ARMC2: variants seen among roughly 807,000 people sequenced by gnomAD.
ARMC2 encodes armadillo repeat containing 2.
ARMC2 carries 67 observed loss-of-function variants against 90.3 expected under a neutral mutation model. The ratio of observed to expected loss-of-function variants is 0.74; its 90% CI spans 0.61 to 0.91. ARMC2 has a LOEUF of 0.91. Among genes scored for constraint, ARMC2 ranks in the 40% least tolerant of loss-of-function variants. The pLI is 0.00. For synonymous variants in ARMC2, 393 were observed against 393.0 expected, an observed-to-expected ratio of 1.00 and a Z score of 0.00; for missense variants, 920 against 1,030.9, an observed-to-expected ratio of 0.89 and a Z score of 1.47.
chr6:108,905,726 A>G (rs776381157), intron 8 of ARMC2, among the ~76,000 whole-genome samples: 2 of 152,240 alleles, frequency 1.3e-5, no homozygotes, highest in Non-Finnish European at 2.9e-5. Flanking sequence ...GGCAGTGAAC[A>G]TGTTTTGAAC....
the ARMC2 span, among the ~76,000 whole-genome samples, chr6:109,032,375 T>G: frequency 6.6e-6 from 1 of 152,090 alleles, no homozygotes; most frequent in Non-Finnish European, 1.5e-5. Context: ...TCCCAGCACT[T>G]TGGGAGGCCG....
In ARMC2 at chr6:108,889,767, C is replaced by T. The variant is rs548014017; in HGVS notation, c.672-4700C>T. On this transcript the variant is annotated intron_variant, in intron 5 of 17. Coordinates refer to ENST00000392644, the MANE Select transcript of ARMC2 (RefSeq NM_032131.6). ...CCGGCCAACTTTTATTCTTTTAAGGCCCATTTTGTAGTCCACTTCTCCCAC... is the reference window on the plus strand; with the variant it reads ...CCGGCCAACTTTTATTCTTTTAAGGTCCATTTTGTAGTCCACTTCTCCCAC... Among the ~76,000 whole-genome samples, 145 of 151,810 alleles carry T rather than the reference C, an allele frequency of 9.6e-4. 2 individuals carry two copies. Among genetic ancestry groups the T allele is most frequent in the African/African-American group, 3.3e-3 (137 of 41,250 alleles).
At chr6:108,957,916 A>C (rs1777712237) in intron 13 of ARMC2, among the ~76,000 whole-genome samples, 1 of 152,076 alleles carries the variant, frequency 6.6e-6, no homozygotes, top group African/African-American at 2.4e-5. Flanking sequence ...GAACTCAGCA[A>C]CCCTGAGTCC....
intron 4 of ARMC2, among the ~76,000 whole-genome samples, chr6:108,870,527 GA>G (rs776995161): frequency 1.3e-5 from 2 of 150,034 alleles, no homozygotes; most frequent in Non-Finnish European, 3.0e-5. Context: ...GACAGAAAGA[GA>G]AAGGAAGGTA....
the ARMC2 span, chr6:109,009,375 C>T: frequency 1.8e-5 from 26 of 1,468,092 alleles, no homozygotes; most frequent in Admixed American, 3.6e-4. Flanking sequence ...CTGGTCGCGG[C>T]CCCCGCCGCA....
At chr6:108,891,405 C>T (rs1186083326) in intron 5 of ARMC2, among the ~76,000 whole-genome samples, 1 of 152,252 alleles carries the variant, frequency 6.6e-6, no homozygotes, top group Non-Finnish European at 1.5e-5. Context: ...ACATCCTCTC[C>T]AGCATTTACT....
At chr6:108,990,684 C>T in the ARMC2 span, 3 of 1,613,990 alleles carry the variant, frequency 1.9e-6, no homozygotes, top group Non-Finnish European at 2.5e-6. Context: ...CCAAATTGCC[C>T]GTCTAAGCAT....
the ARMC2 span, among the ~76,000 whole-genome samples, chr6:109,051,855 G>A: frequency 6.6e-6 from 1 of 152,138 alleles, no homozygotes; most frequent in Non-Finnish European, 1.5e-5. Flanking sequence ...GTCGAACAAA[G>A]GCAAGTTAGC....
At chr6:108,948,116 A>G (rs1482423389) in intron 12 of ARMC2, among the ~76,000 whole-genome samples, 2 of 152,196 alleles carry the variant, frequency 1.3e-5, no homozygotes, top group Admixed American at 1.3e-4. Context: ...ATAGAATATT[A>G]AGTAATATTT....
At chr6:109,021,911 G>C in the ARMC2 span, among the ~76,000 whole-genome samples, 1 of 152,128 alleles carries the variant, frequency 6.6e-6, no homozygotes, top group Non-Finnish European at 1.5e-5. Flanking sequence ...AAATATTACT[G>C]AAAGTTTCAT....
At chr6:108,931,820 A>T (rs1775583573) in intron 11 of ARMC2, among the ~76,000 whole-genome samples, 1 of 150,896 alleles carries the variant, frequency 6.6e-6, no homozygotes, top group Non-Finnish European at 1.5e-5. Context: ...CTGGAGTGCA[A>T]TGGCATGATC....
the ARMC2 span, among the ~76,000 whole-genome samples, chr6:109,001,664 A>T: frequency 6.6e-6 from 1 of 152,212 alleles, no homozygotes; most frequent in African/African-American, 2.4e-5. Flanking sequence ...AAACAGTTAC[A>T]TATTATATAG....
intron 10 of ARMC2, among the ~76,000 whole-genome samples, chr6:108,926,877 A>T (rs1025213370): frequency 1.3e-5 from 2 of 151,428 alleles, no homozygotes; most frequent in East Asian, 3.9e-4. Context: ...GAATCATTGT[A>T]TAATTGAATT....
chr6:108,890,002 A>C (rs1426562557), intron 5 of ARMC2, among the ~76,000 whole-genome samples: 35 of 149,236 alleles, frequency 2.3e-4, no homozygotes, highest in African/African-American at 7.4e-4. Context: ...TCCCGGCTAA[A>C]ACGGTGAAAC....
chr6:108,911,068 G>T, intron 9 of ARMC2, 67 bp downstream of exon 9: 4 of 942,424 alleles, frequency 4.2e-6, no homozygotes, highest in Non-Finnish European at 4.8e-6. Context: ...AGTCTGGAGA[G>T]AAAATATATA....
downstream of ARMC2, among the ~76,000 whole-genome samples, chr6:108,978,757 T>G (rs1339334848): frequency 4.6e-5 from 7 of 152,180 alleles, no homozygotes; most frequent in Admixed American, 2.6e-4. Context: ...AATGCCCTTC[T>G]TTGTCTCTTT....
At chr6:108,917,496 C>T (rs118032008) in intron 10 of ARMC2, among the ~76,000 whole-genome samples, 1,743 of 152,158 alleles carry the variant, frequency 0.011, 6 homozygotes, top group South Asian at 0.031. Context: ...CTGACTCAGA[C>T]AATTTGAGCC....
At chr6:108,871,418 A>G (rs570324267) in intron 4 of ARMC2, among the ~76,000 whole-genome samples, 13 of 152,040 alleles carry the variant, frequency 8.6e-5, no homozygotes, top group Non-Finnish European at 1.5e-4. Flanking sequence ...CAGCTCAGGT[A>G]AATCAGAAAG....
chr6:108,981,658 CT>C, the ARMC2 span, among the ~76,000 whole-genome samples: 114 of 145,814 alleles, frequency 7.8e-4, no homozygotes, highest in Non-Finnish European at 8.6e-4. Context: ...GATTTCCTTA[CT>C]TTTTTTTTTT....
Sources: allele counts gnomAD v4.1 joint callset (sites outside exome capture counted in the v4.1 genomes callset), GRCh38; gene constraint gnomAD v4.1.1; transcripts MANE v1.5; gene names NCBI Gene and HGNC (gene_info 2026-07-23, HGNC 2026-07-21).